The following LHFPL3 variants were observed in gnomAD, a reference collection of about 807,000 sequenced individuals.
LHFPL3 encodes the protein LHFPL tetraspan subfamily member 3 protein.
In LHFPL3, 5 loss-of-function variants were observed where a neutral mutation model predicts 19.3. That is an observed-to-expected ratio of 0.26 (90% CI 0.14 to 0.54). The LOEUF is 0.54. Among genes scored for constraint, LHFPL3 ranks in the 20% least tolerant of loss-of-function variants. The pLI is 0.94. For missense variants in LHFPL3, 249 were observed against 307.4 expected (o/e 0.81, Z 1.42); for synonymous variants, 133 against 126.2 (o/e 1.05, Z -0.36).
At chr7:104,613,623 CT>C (rs1348652451) in intron 1 of LHFPL3, among the ~76,000 whole-genome samples, 1 of 152,154 alleles carries the variant, frequency 6.6e-6, no homozygotes, top group African/African-American at 2.4e-5. Flanking sequence ...CCACTCACCC[CT>C]AATCAGCACT....
chr7:104,682,954 G>A (rs965255317), intron 1 of LHFPL3, among the ~76,000 whole-genome samples: 1 of 152,138 alleles, frequency 6.6e-6, no homozygotes, highest in Non-Finnish European at 1.5e-5. Flanking sequence ...TGTATTTCAA[G>A]CAAAAGTAGA....
At chr7:104,754,389 A>T (rs1794242194) in intron 2 of LHFPL3, among the ~76,000 whole-genome samples, 1 of 152,212 alleles carries the variant, frequency 6.6e-6, no homozygotes, top group Non-Finnish European at 1.5e-5. Flanking sequence ...GGAAGAGAGG[A>T]TGAAGAGGAT....
intron 2 of LHFPL3, among the ~76,000 whole-genome samples, chr7:104,818,480 G>C (rs1016301686): frequency 6.6e-6 from 1 of 151,498 alleles, no homozygotes; most frequent in Non-Finnish European, 1.5e-5. Flanking sequence ...GGCGGAGGTT[G>C]CAGTGAGCAG....
intron 1 of LHFPL3, among the ~76,000 whole-genome samples, chr7:104,376,556 GTTTTCAGGA>G (rs1790718024): frequency 1.3e-5 from 2 of 152,134 alleles, no homozygotes; most frequent in Admixed American, 1.3e-4. Context: ...TGGAATGTAG[GTTTTCAGGA>G]TGATAAGATG....
At chr7:104,662,725 T>C (rs1204703191) in intron 1 of LHFPL3, among the ~76,000 whole-genome samples, 2 of 152,224 alleles carry the variant, frequency 1.3e-5, no homozygotes, top group African/African-American at 4.8e-5. Flanking sequence ...ATGAAACTTA[T>C]CTTGGCTCCT....
chr7:104,454,405 A>G (rs1194550616), intron 1 of LHFPL3, among the ~76,000 whole-genome samples: 2 of 152,170 alleles, frequency 1.3e-5, no homozygotes, highest in Non-Finnish European at 2.9e-5. Context: ...AATGGGTATT[A>G]TTGTTGTCAC....
chr7:104,733,194 T>C (rs977021610), intron 1 of LHFPL3, among the ~76,000 whole-genome samples: 3 of 152,218 alleles, frequency 2.0e-5, no homozygotes, highest in Admixed American at 1.3e-4. Context: ...GAAAAATGTA[T>C]ATGCTGTTGA....
At chr7:104,771,385 G>A (rs1794547657) in intron 2 of LHFPL3, among the ~76,000 whole-genome samples, 1 of 152,152 alleles carries the variant, frequency 6.6e-6, no homozygotes, top group African/African-American at 2.4e-5. Context: ...GGGGACAGAG[G>A]TGATTTTCTC....
At chr7:104,512,431 A>G (rs1157038586) in intron 1 of LHFPL3, among the ~76,000 whole-genome samples, 1 of 149,588 alleles carries the variant, frequency 6.7e-6, no homozygotes, top group African/African-American at 2.4e-5. Context: ...AGCAGGCTCT[A>G]TGTTGCTGTG....
At chr7:104,827,503 C>T (rs371050317) in intron 2 of LHFPL3, among the ~76,000 whole-genome samples, 13 of 151,876 alleles carry the variant, frequency 8.6e-5, no homozygotes, top group African/African-American at 2.9e-4. Flanking sequence ...TGGCCTGAAA[C>T]TTACACATAC....
At chr7:104,837,067 A>C (rs1267291381) in intron 2 of LHFPL3, among the ~76,000 whole-genome samples, 1 of 152,120 alleles carries the variant, frequency 6.6e-6, no homozygotes, top group East Asian at 1.9e-4. Context: ...GGAATCAGAA[A>C]CCCTGAGATC....
intron 2 of LHFPL3, among the ~76,000 whole-genome samples, chr7:104,817,882 T>C (rs947482867): frequency 6.6e-6 from 1 of 152,202 alleles, no homozygotes; most frequent in Non-Finnish European, 1.5e-5. Context: ...ACTATTCCGA[T>C]ACCTAGCACC....
chr7:104,334,861 CTT>C (rs1297051477), intron 1 of LHFPL3, among the ~76,000 whole-genome samples: 1 of 152,090 alleles, frequency 6.6e-6, no homozygotes, highest in African/African-American at 2.4e-5. Context: ...AAAATGGAGG[CTT>C]TATGTAAAAA....
intron 1 of LHFPL3, among the ~76,000 whole-genome samples, chr7:104,580,945 A>G (rs1790449306): frequency 6.6e-6 from 1 of 152,056 alleles, no homozygotes; most frequent in South Asian, 2.1e-4. Context: ...ATGGACATTT[A>G]GGTTATTTTC....
intron 1 of LHFPL3, among the ~76,000 whole-genome samples, chr7:104,561,986 T>C (rs888471823): frequency 2.6e-5 from 4 of 152,140 alleles, no homozygotes; most frequent in Admixed American, 6.5e-5. Context: ...AAAATTCTTT[T>C]CTTTAAGAAT....
chr7:104,544,979 G>GT (rs35395569), intron 1 of LHFPL3, among the ~76,000 whole-genome samples: 78,419 of 151,908 alleles, frequency 0.52, 21,063 homozygotes, highest in Middle Eastern at 0.63. Flanking sequence ...AAACCTGACA[G>GT]TTTTTTCGTA....
At chr7:104,861,239 G>A (rs1487402905) in intron 2 of LHFPL3, among the ~76,000 whole-genome samples, 1 of 152,152 alleles carries the variant, frequency 6.6e-6, no homozygotes, top group Non-Finnish European at 1.5e-5. Context: ...CCCCTAAGAG[G>A]ACATAAGACA....
chr7:104,896,116 T>G (rs892822758), intron 2 of LHFPL3: 8 of 152,208 alleles, frequency 5.3e-5, no homozygotes, highest in Non-Finnish European at 1.2e-4. Flanking sequence ...AAGATCTCAT[T>G]TTATCTTAAT....
chr7:104,670,650 G>A (rs1722517842), intron 1 of LHFPL3, among the ~76,000 whole-genome samples: 1 of 152,102 alleles, frequency 6.6e-6, no homozygotes, highest in Non-Finnish European at 1.5e-5. Flanking sequence ...CTCACTCCTT[G>A]CCTGCTCCTG....
Sources: allele counts gnomAD v4.1 joint callset (sites outside exome capture counted in the v4.1 genomes callset), GRCh38; gene constraint gnomAD v4.1.1; transcripts MANE v1.5; gene names NCBI Gene and HGNC (gene_info 2026-07-23, HGNC 2026-07-21).